STK33: variants seen among roughly 807,000 people sequenced by gnomAD.
STK33 encodes serine/threonine kinase 33, also known as serine/threonine-protein kinase 33.
In STK33, 52 loss-of-function variants were observed where a neutral mutation model predicts 58.0. That is an observed-to-expected ratio of 0.90 (90% confidence interval 0.72 to 1.13). STK33 has a LOEUF of 1.13. Ranked by LOEUF, STK33 falls within the 50% of genes most tolerant of loss-of-function variation. STK33 has a pLI of 0.00. For missense variants in STK33, 630 were observed against 604.2 expected (o/e 1.04, Z -0.45); for synonymous variants, 215 against 200.1 (o/e 1.07, Z -0.63).
intron 1 of STK33, among the ~76,000 whole-genome samples, chr11:8,502,974 TA>T (rs2139180802): frequency 6.6e-6 from 1 of 152,170 alleles, no homozygotes; most frequent in African/African-American, 2.4e-5. Context: ...AGTAAAAAAA[TA>T]ACAGATAGTG....
At chr11:8,449,548 C>T (rs560352532) in intron 11 of STK33, among the ~76,000 whole-genome samples, 39 of 149,704 alleles carry the variant, frequency 2.6e-4, no homozygotes, top group Non-Finnish European at 3.8e-4. Flanking sequence ...AACCAAACAC[C>T]GCATGTTCTC....
chr11:8,564,882 T>C (rs10840074), intron 1 of STK33, among the ~76,000 whole-genome samples: 10,541 of 152,214 alleles, frequency 0.069, 740 homozygotes, highest in African/African-American at 0.19. Context: ...TTCAAAAACA[T>C]ATCCTAAGCA....
intron 11 of STK33, among the ~76,000 whole-genome samples, chr11:8,446,469 G>C (rs1485591687): frequency 1.3e-5 from 2 of 151,762 alleles, no homozygotes; most frequent in Non-Finnish European, 2.9e-5. Context: ...GGGATGTTAG[G>C]GTGTCGATTT....
At chr11:8,487,441 A>AAAAG (rs1950268601) in intron 1 of STK33, among the ~76,000 whole-genome samples, 1 of 120,824 alleles carries the variant, frequency 8.3e-6, no homozygotes, top group Non-Finnish European at 1.7e-5. Context: ...AAAAAAAAAA[A>AAAAG]AGAGAGAGAG....
chr11:8,433,177 C>T (rs141494888), intron 14 of STK33, among the ~76,000 whole-genome samples: 1 of 152,202 alleles, frequency 6.6e-6, no homozygotes, highest in Non-Finnish European at 1.5e-5. Context: ...TGCACAGAAT[C>T]CTTTGAGAGA....
chr11:8,411,153 T>A (rs1940170408), intron 15 of STK33, among the ~76,000 whole-genome samples: 1 of 152,248 alleles, frequency 6.6e-6, no homozygotes, highest in African/African-American at 2.4e-5. Flanking sequence ...AAAGACTTTG[T>A]CTTAGAGAAT....
At chr11:8,379,625 T>C in the STK33 span, among the ~76,000 whole-genome samples, 3 of 152,206 alleles carry the variant, frequency 2.0e-5, no homozygotes, top group South Asian at 4.1e-4. Context: ...GCCCTTTTTT[T>C]AAAAATTAAC....
intron 1 of STK33, among the ~76,000 whole-genome samples, chr11:8,516,099 C>T (rs1952758456): frequency 6.6e-6 from 1 of 152,156 alleles, no homozygotes. Flanking sequence ...CCACAAATTG[C>T]TAAAGCAATC....
chr11:8,417,634 A>C (rs1590886887), intron 14 of STK33, among the ~76,000 whole-genome samples: 2 of 152,288 alleles, frequency 1.3e-5, no homozygotes, highest in East Asian at 3.9e-4. Context: ...GAGCTAGAAG[A>C]CTTTATTTTG....
intron 1 of STK33, among the ~76,000 whole-genome samples, chr11:8,521,050 T>A (rs1272984180): frequency 6.7e-6 from 1 of 150,002 alleles, no homozygotes; most frequent in African/African-American, 2.4e-5. Context: ...AAATAAAAAT[T>A]ATTTATAATT....
chr11:8,437,878 C>T (rs1363477317), intron 12 of STK33, among the ~76,000 whole-genome samples: 1 of 152,152 alleles, frequency 6.6e-6, no homozygotes. Context: ...TATTTTAATA[C>T]TTTTTATCTC....
the STK33 span, among the ~76,000 whole-genome samples, chr11:8,354,516 A>ACACACACACACCCC: frequency 1.6e-5 from 2 of 127,656 alleles, no homozygotes; most frequent in African/African-American, 5.5e-5. Context: ...ACACACACAC[A>ACACACACACACCCC]CCCCTCAGAC....
chr11:8,483,999 C>T (rs867379607), intron 1 of STK33, among the ~76,000 whole-genome samples: 9 of 152,004 alleles, frequency 5.9e-5, no homozygotes, highest in African/African-American at 2.2e-4. Flanking sequence ...GTCTAAAGAC[C>T]CCAAGTTTCT....
At position 8,435,478 on chromosome 11, in the gene STK33, T is replaced by C; in HGVS notation, c.1146+16A>G. The C allele has an allele frequency of 1.5e-6, 2 of 1,333,986 alleles. No individual in the cohort carries two copies. The highest frequency in any genetic ancestry group is 2.0e-6 in the Non-Finnish European group (2 of 1,008,178). The allele number at this position is 1,333,986 out of a possible 1,614,324, so 82.6% of individuals were successfully genotyped here. A position where few individuals can be genotyped will look rare whatever the true frequency, so the allele number is the denominator to read the frequency against. ...TGGTAGCATGTCAGAAAGAAAAAAG[T>C]AATATTGTAACTTACTGTTAACCAC... On this transcript the variant is annotated intron_variant, in intron 14 of 15. Transcript: ENST00000687296.
chr11:8,369,714 T>C, the STK33 span, among the ~76,000 whole-genome samples: 2 of 152,126 alleles, frequency 1.3e-5, no homozygotes, highest in South Asian at 4.2e-4. Flanking sequence ...AGTTTCTTTA[T>C]TTGTAGAATT....
At chr11:8,360,534 C>T in the STK33 span, among the ~76,000 whole-genome samples, 1 of 152,386 alleles carries the variant, frequency 6.6e-6, no homozygotes, top group African/African-American at 2.4e-5. Context: ...TATGAGTCCA[C>T]AGTCTGTAGG....
At chr11:8,366,098 G>A in the STK33 span, among the ~76,000 whole-genome samples, 32 of 152,206 alleles carry the variant, frequency 2.1e-4, no homozygotes, top group Non-Finnish European at 3.8e-4. Flanking sequence ...AAGGAAAAGG[G>A]GGAAGCAGAC....
chr11:8,490,551 T>G (rs1950533338), intron 1 of STK33, among the ~76,000 whole-genome samples: 1 of 152,162 alleles, frequency 6.6e-6, no homozygotes, highest in African/African-American at 2.4e-5. Flanking sequence ...GTCTCACAGC[T>G]GTGAAGAGAG....
intron 1 of STK33, among the ~76,000 whole-genome samples, chr11:8,552,611 G>A (rs1414760081): frequency 2.0e-4 from 30 of 150,890 alleles, no homozygotes; most frequent in Admixed American, 1.9e-3. Context: ...AAACTTTCTT[G>A]TTAAAAACTA....
Sources: allele counts gnomAD v4.1 joint callset (sites outside exome capture counted in the v4.1 genomes callset), GRCh38; gene constraint gnomAD v4.1.1; transcripts MANE v1.5; gene names NCBI Gene and HGNC (gene_info 2026-07-23, HGNC 2026-07-21).